MAP4: variants seen among roughly 807,000 people sequenced by gnomAD.
The protein encoded by MAP4 is microtubule-associated protein 4.
A neutral mutation model predicts 170.2 loss-of-function variants in MAP4; 76 were observed. The ratio of observed to expected loss-of-function variants is 0.45; its 90% confidence interval spans 0.37 to 0.54. The LOEUF (loss-of-function observed/expected upper bound fraction) is 0.54, where lower values mean the gene tolerates loss of function less well. MAP4 is among the 20% of genes least tolerant of loss of function. The pLI is 0.00. For synonymous variants in MAP4, 909 were observed against 994.5 expected (o/e 0.91, Z 1.62); for missense variants, 2,506 against 2,748.0 (o/e 0.91, Z 1.97).
At chr3:48,023,276 T>C (rs11918997) in intron 1 of MAP4, among the ~76,000 whole-genome samples, 1,700 of 152,334 alleles carry the variant, frequency 0.011, 33 homozygotes, top group African/African-American at 0.039. Context: ...GAGATAATTA[T>C]ATATTTTAAG....
At chr3:47,950,108 C>T (rs757608372) in intron 3 of MAP4, among the ~76,000 whole-genome samples, 2 of 152,216 alleles carry the variant, frequency 1.3e-5, no homozygotes, top group Non-Finnish European at 2.9e-5. Flanking sequence ...TGGGTAGGCT[C>T]TCTCTCCAAT....
intron 3 of MAP4, among the ~76,000 whole-genome samples, chr3:47,963,839 G>A (rs1382743380): frequency 6.6e-6 from 1 of 152,138 alleles, no homozygotes; most frequent in Non-Finnish European, 1.5e-5. Flanking sequence ...AAGCCACGAA[G>A]AAAATTCAAG....
chr3:48,067,564 C>A (rs2100138927), intron 1 of MAP4, among the ~76,000 whole-genome samples: 1 of 151,576 alleles, frequency 6.6e-6, no homozygotes, highest in Non-Finnish European at 1.5e-5. Flanking sequence ...GCGGTCTGGG[C>A]ATTTATGCTT....
At chr3:47,974,868 A>G (rs2100081065) in intron 3 of MAP4, 29 of 966,900 alleles carry the variant, frequency 3.0e-5, no homozygotes, top group Non-Finnish European at 3.4e-5. Context: ...AACTTAAAAT[A>G]TCTATCATTA....
At chr3:47,871,848 TGGCTGG>T in intron 13 of MAP4, 63 bp downstream of exon 13, 2 of 1,457,596 alleles carry the variant, frequency 1.4e-6, no homozygotes, top group South Asian at 2.5e-5. Flanking sequence ...GCTAGAGCTA[TGGCTGG>T]GGCAAAGCCA....
At chr3:47,952,974 T>A (rs536198578) in intron 3 of MAP4, among the ~76,000 whole-genome samples, 1 of 152,258 alleles carries the variant, frequency 6.6e-6, no homozygotes, top group Non-Finnish European at 1.5e-5. Flanking sequence ...TTTTATATGC[T>A]TACATATTTT....
intron 10 of MAP4, among the ~76,000 whole-genome samples, chr3:47,879,848 G>A (rs1388296942): frequency 2.6e-5 from 4 of 152,058 alleles, no homozygotes; most frequent in Non-Finnish European, 4.4e-5. Context: ...CATCTCTATA[G>A]TAACTTCCAG....
At chr3:48,038,164 T>G (rs1579451089) in intron 1 of MAP4, among the ~76,000 whole-genome samples, 2 of 107,962 alleles carry the variant, frequency 1.9e-5, no homozygotes, top group East Asian at 5.3e-4. Context: ...CAAGACTCCA[T>G]CTCCAAAAAA....
At chr3:48,074,783 C>A (rs962444640) in intron 1 of MAP4, among the ~76,000 whole-genome samples, 5 of 148,330 alleles carry the variant, frequency 3.4e-5, no homozygotes. Context: ...CTCACCTCAG[C>A]CTCCCAAAGT....
chr3:47,973,640 A>G, intron 3 of MAP4: 1 of 985,430 alleles, frequency 1.0e-6, no homozygotes, highest in Non-Finnish European at 1.2e-6. Context: ...AATGTCAATC[A>G]TGAAGTGTGA....
intron 10 of MAP4, among the ~76,000 whole-genome samples, chr3:47,880,984 C>A (rs954520686): frequency 2.8e-4 from 42 of 152,286 alleles, no homozygotes; most frequent in Admixed American, 2.6e-3. Flanking sequence ...AAGTCCCCAG[C>A]TGTAATTGTG....
intron 3 of MAP4, among the ~76,000 whole-genome samples, chr3:47,963,213 G>C (rs892455772): frequency 2.6e-5 from 4 of 152,230 alleles, no homozygotes; most frequent in South Asian, 4.1e-4. Flanking sequence ...AATTAAGTAG[G>C]AAAAGGGGCT....
chr3:47,991,449 T>C lies in MAP4; in HGVS notation c.223+7189A>G, dbSNP rs531970664. 2.0e-5 allele frequency among the ~76,000 whole-genome samples: 3 copies of C among 152,184 alleles called. No homozygotes were observed. The South Asian group carries it at 6.2e-4, about 32-fold the overall frequency. On this transcript the variant is annotated intron_variant, in intron 2 of 20. Coordinates refer to ENST00000683076, the MANE Select transcript of MAP4 (RefSeq NM_001385682.1). Reference sequence around the variant, plus strand: ...GCTTTGGGAGGCTAAGGCAGGAGGATCGCTTGAGGCCATGAGTTCCAGACC... The same window carrying C: ...GCTTTGGGAGGCTAAGGCAGGAGGACCGCTTGAGGCCATGAGTTCCAGACC...
At chr3:47,854,009 G>A (rs1330169415) in intron 19 of MAP4, among the ~76,000 whole-genome samples, 1 of 152,238 alleles carries the variant, frequency 6.6e-6, no homozygotes, top group Non-Finnish European at 1.5e-5. Context: ...AGAGAGAACA[G>A]CTGCGAGAGG....
chr3:48,022,557 T>G (rs186455083), intron 1 of MAP4, among the ~76,000 whole-genome samples: 1 of 152,274 alleles, frequency 6.6e-6, no homozygotes, highest in East Asian at 1.9e-4. Context: ...ACTCATCCAT[T>G]AAGTGAAGGC....
At chr3:48,007,490 A>G (rs2100102961) in intron 1 of MAP4, among the ~76,000 whole-genome samples, 1 of 152,204 alleles carries the variant, frequency 6.6e-6, no homozygotes, top group African/African-American at 2.4e-5. Context: ...CAACAGGTCC[A>G]GGCTGCTGTG....
At chr3:47,917,516 G>A (rs1401588377) in intron 6 of MAP4, among the ~76,000 whole-genome samples, 1 of 151,336 alleles carries the variant, frequency 6.6e-6, no homozygotes, top group African/African-American at 2.4e-5. Context: ...AACCCAGGAG[G>A]CGGAGTTTGC....
intron 12 of MAP4, among the ~76,000 whole-genome samples, chr3:47,873,094 G>C (rs2094014021): frequency 6.6e-6 from 1 of 152,202 alleles, no homozygotes. Flanking sequence ...TTGATAATAT[G>C]TGATGTCAGG....
In MAP4 at chr3:47,852,178, C is replaced by T. The variant is rs910689232; in HGVS notation, c.*756G>A. 6.5e-6 allele frequency: 1 copy of T among 152,694 alleles called. No homozygotes were observed. Among genetic ancestry groups the T allele is most frequent in the African/African-American group, 2.4e-5 (1 of 41,424 alleles). The allele number at this position is 152,694 out of a possible 1,614,324, so 9.5% of individuals were successfully genotyped here. A position where few individuals can be genotyped will look rare whatever the true frequency, so the allele number is the denominator to read the frequency against. On this transcript the variant is annotated 3_prime_UTR_variant, in exon 21 of 21. Coordinates refer to ENST00000683076, the MANE Select transcript of MAP4 (RefSeq NM_001385682.1). ...TATCTCCGCCCTGTTCCCTCTAACACTTACTGAGGACTTTCATGTAGACAT... is the reference window on the plus strand; with the variant it reads ...TATCTCCGCCCTGTTCCCTCTAACATTTACTGAGGACTTTCATGTAGACAT...
Sources: allele counts gnomAD v4.1 joint callset (sites outside exome capture counted in the v4.1 genomes callset), GRCh38; gene constraint gnomAD v4.1.1; transcripts MANE v1.5; gene names NCBI Gene and HGNC (gene_info 2026-07-23, HGNC 2026-07-21).